Variants in MEPE observed in about 807,000 individuals in gnomAD.
MEPE encodes the protein matrix, extracellular phosphoglycoprotein with ASARM motif (bone).
Under a neutral mutation model 7.3 loss-of-function variants are expected in MEPE, and 7 were observed. The observed-to-expected ratio is 0.95, with a 90% CI of 0.54 to 1.79. MEPE has a LOEUF of 1.79. MEPE is among the 40% of genes most tolerant of loss of function. The pLI is 0.00. For missense variants in MEPE, 623 were observed against 628.2 expected (o/e 0.99, Z 0.09); for synonymous variants, 214 against 213.1 (o/e 1.00, Z -0.04).
chr4:87,832,324 T>G (rs1291280362), upstream of MEPE, among the ~76,000 whole-genome samples: 2 of 152,188 alleles, frequency 1.3e-5, no homozygotes, highest in Non-Finnish European at 2.9e-5. Flanking sequence ...AAAAGTTGCC[T>G]TCTCATTGAG....
intron 1 of MEPE, among the ~76,000 whole-genome samples, chr4:87,827,595 TGAG>T (rs1722501865): frequency 6.6e-6 from 1 of 152,182 alleles, no homozygotes. Context: ...ATTTTCCTCT[TGAG>T]GTCACACAAC....
At chr4:87,828,515 A>G (rs549192017), upstream of MEPE, among the ~76,000 whole-genome samples, 1 of 152,254 alleles carries the variant, frequency 6.6e-6, no homozygotes, top group African/African-American at 2.4e-5. Flanking sequence ...AAAAATGTAT[A>G]CCAAAGCAAT....
At chr4:87,830,279 G>A (rs961474822), upstream of MEPE, among the ~76,000 whole-genome samples, 6 of 151,990 alleles carry the variant, frequency 3.9e-5, no homozygotes, top group African/African-American at 1.4e-4. Context: ...ACATGCACAC[G>A]GCTGTTCATT....
chr4:87,839,162 T>G (rs1163863559), intron 3 of MEPE, among the ~76,000 whole-genome samples: 1 of 152,216 alleles, frequency 6.6e-6, no homozygotes, highest in Non-Finnish European at 1.5e-5. Context: ...CCGCTTTGCA[T>G]GCCACCAAAT....
chr4:87,845,702 C>T lies in MEPE; in HGVS notation c.834C>T (p.Gly278=), dbSNP rs1723209110. ...KGEATGPDLE[G]KDIQTGFAGP... ...AAGCTACTGGTCCTGACCTAGAAGG[C>T]AAAGATATTCAAACAGGGTTTGCAG... The change falls in exon 4 of 4, where the codon GGC becomes GGT. Residue 278 remains glycine (G), a synonymous_variant. Coordinates refer to ENST00000361056, the MANE Select transcript of MEPE (RefSeq NM_020203.6). 6.2e-7 allele frequency: 1 copy of T among 1,613,646 alleles called. No individual in the cohort carries two copies. The highest frequency in any genetic ancestry group is 8.5e-7 in the Non-Finnish European group (1 of 1,179,878).
rs1723267984 is a variant in MEPE at position 87,846,394 on chromosome 4, A to G, written c.1526A>G (p.Asp509Gly). 2.5e-6 allele frequency: 4 copies of G among 1,613,952 alleles called. No homozygotes were observed. The part of the protein sequence containing the change: ...NRRFSSRRRD[D>G]SSESSDSGSS... Reference sequence around the variant, plus strand: ...AGGTTTAGTTCCCGTAGAAGGGATGACAGTAGTGAGTCATCTGACAGTGGC... The same window carrying G: ...AGGTTTAGTTCCCGTAGAAGGGATGGCAGTAGTGAGTCATCTGACAGTGGC... The change falls in exon 4 of 4, where the codon GAC becomes GGC. Residue 509 changes from aspartate to glycine, a missense_variant. Asp to Gly is a moderately conservative substitution (Grantham distance 94, BLOSUM62 -1). Transcript: ENST00000361056.
Position 87,845,580 on chromosome 4 carries a change from GGCA to G in MEPE, c.715_717del (p.Ser239del). 2 of 1,612,672 alleles carry G rather than the reference GGCA, an allele frequency of 1.2e-6. No individual in the cohort carries two copies. The highest frequency in any genetic ancestry group is 1.7e-6 in the Non-Finnish European group (2 of 1,179,674). ...CAAAAAAATCCCCAGTGATTTTGAA[GGCA>G]GCGGTTATACAGATCTTCAAGAGAG... On this transcript the variant is annotated inframe_deletion, in exon 4 of 4. Coordinates refer to ENST00000361056, the MANE Select transcript of MEPE (RefSeq NM_020203.6).
rs536356274 is a variant in MEPE at position 87,827,087 on chromosome 4, T to C, written c.-13+5616T>C. On this transcript the variant is annotated intron_variant, in intron 1 of 3. Coordinates refer to the MEPE transcript ENST00000424957. Reference sequence around the variant, plus strand: ...CCTATTCTGCAGGACAGAGTGATCATGTGGAGAAGCACTGTGGCATATCGG... The same window carrying C: ...CCTATTCTGCAGGACAGAGTGATCACGTGGAGAAGCACTGTGGCATATCGG... Among the ~76,000 whole-genome samples the C allele has an allele frequency of 5.1e-4, 76 of 149,504 alleles. No individual in the cohort carries two copies. In the South Asian group the frequency reaches 0.016, roughly 31 times the overall value.
chr4:87,822,708 A>G (rs938287970), intron 1 of MEPE, among the ~76,000 whole-genome samples: 7 of 152,122 alleles, frequency 4.6e-5, no homozygotes, highest in African/African-American at 1.2e-4. Flanking sequence ...ACTCACAAAG[A>G]AGTCTGCAGT....
chr4:87,828,782 A>T (rs1722531263), upstream of MEPE, among the ~76,000 whole-genome samples: 1 of 152,202 alleles, frequency 6.6e-6, no homozygotes, highest in Admixed American at 6.5e-5. Flanking sequence ...TCTGTGTGTC[A>T]GTCTGACCCA....
At chr4:87,821,963 C>T (rs1722348976) in intron 1 of MEPE, among the ~76,000 whole-genome samples, 1 of 152,138 alleles carries the variant, frequency 6.6e-6, no homozygotes, top group Admixed American at 6.6e-5. Context: ...ACGAAAGCAA[C>T]CACAAATGGC....
rs900461330 is a variant in MEPE, at chr4:87,845,215, T to C, written c.347T>C (p.Ile116Thr). Reference protein sequence around the residue: ...ENTHNGLRMSIYPKSTGNKGF... With the variant: ...ENTHNGLRMSTYPKSTGNKGF... ...ACTCACAATGGCCTGAGGATGTCAATTTATCCTAAGTCAACTGGGAATAAA... is the reference window on the plus strand; with the variant it reads ...ACTCACAATGGCCTGAGGATGTCAACTTATCCTAAGTCAACTGGGAATAAA... The change falls in exon 4 of 4, where the codon ATT (isoleucine) becomes ACT (threonine). Residue 116 changes from isoleucine to threonine, a missense_variant. Transcript: ENST00000361056. 5 of 1,613,992 alleles carry C rather than the reference T, an allele frequency of 3.1e-6. No individual in the cohort carries two copies. The highest frequency in any genetic ancestry group is 3.4e-6 in the Non-Finnish European group (4 of 1,179,952).
chr4:87,824,291 G>C (rs1461530582), intron 1 of MEPE, among the ~76,000 whole-genome samples: 1 of 152,172 alleles, frequency 6.6e-6, no homozygotes, highest in Non-Finnish European at 1.5e-5. Context: ...CCCTCAGCTG[G>C]CTAAGTGGTG....
At chr4:87,833,564 T>A (rs939755352) in intron 1 of MEPE, among the ~76,000 whole-genome samples, 4 of 152,188 alleles carry the variant, frequency 2.6e-5, no homozygotes, top group Admixed American at 6.5e-5. Context: ...TTGAGGTGTT[T>A]AAAGATTGCA....
chr4:87,840,617 AG>A (rs1722978290), intron 3 of MEPE, among the ~76,000 whole-genome samples: 1 of 152,350 alleles, frequency 6.6e-6, no homozygotes, highest in Admixed American at 6.5e-5. Flanking sequence ...CCAGGATCTT[AG>A]AGTTAGAAAA....
At chr4:87,831,614 G>A (rs1466548802), upstream of MEPE, among the ~76,000 whole-genome samples, 1 of 151,990 alleles carries the variant, frequency 6.6e-6, no homozygotes, top group African/African-American at 2.4e-5. Flanking sequence ...TCCTACTTCA[G>A]TCACTCCTCA....
At chr4:87,838,517 T>G (rs1381170030) in intron 2 of MEPE, 115 bp from the exon 3 acceptor site, 4 of 860,826 alleles carry the variant, frequency 4.6e-6, no homozygotes, top group Non-Finnish European at 7.5e-6. Flanking sequence ...TAGAATGATT[T>G]TCCACAGTGA....
At position 87,845,644 on chromosome 4, in the gene MEPE, G is replaced by A. The variant is rs867830992; in HGVS notation, c.776G>A (p.Gly259Asp). The change falls in exon 4 of 4, where the codon GGC becomes GAC. Residue 259 changes from glycine to aspartate, a missense_variant. Transcript: ENST00000361056. ...GATATATCTCCTTTCAGTGGGGACG[G>A]CCAACCTTTTAAGGACATTCCTGGT... ...DNDISPFSGD[G>D]QPFKDIPGKG... 6.2e-7 allele frequency: 1 copy of A among 1,613,896 alleles called. No homozygotes were observed. Among genetic ancestry groups the A allele is most frequent in the Non-Finnish European group, 8.5e-7 (1 of 1,179,948 alleles).
At chr4:87,829,395 CTAGAACACAGGTT>C (rs1722545570), upstream of MEPE, among the ~76,000 whole-genome samples, 1 of 152,018 alleles carries the variant, frequency 6.6e-6, no homozygotes, top group African/African-American at 2.4e-5. Context: ...TTTTCTTATC[CTAGAACACAGGTT>C]TTTCTAGATC....
Sources: allele counts gnomAD v4.1 joint callset (sites outside exome capture counted in the v4.1 genomes callset), GRCh38; gene constraint gnomAD v4.1.1; transcripts MANE v1.5; gene names NCBI Gene and HGNC (gene_info 2026-07-23, HGNC 2026-07-21).